The following RCN3 variants were observed in gnomAD, a reference collection of about 807,000 sequenced individuals.
The protein encoded by RCN3 is reticulocalbin-3.
A neutral mutation model predicts 35.9 loss-of-function variants in RCN3; 41 were observed. That is an observed-to-expected ratio of 1.14 (90% CI 0.89 to 1.48). The LOEUF is 1.48. RCN3 is among the 40% of genes most tolerant of loss of function. The probability of loss-of-function intolerance (pLI) is 0.00; values close to 1 mark genes in which losing one functional copy is unlikely to be tolerated. For synonymous variants in RCN3, 187 were observed against 193.4 expected (o/e 0.97, Z 0.27); for missense variants, 451 against 471.3 (o/e 0.96, Z 0.40).
rs2080124869 is a variant in RCN3 at position 49,534,386 on chromosome 19, TA to T, written c.437del (p.Tyr146SerfsTer43). On this transcript the variant is annotated frameshift_variant, in exon 3 of 7. Coordinates refer to ENST00000270645, the MANE Select transcript of RCN3 (RefSeq NM_020650.3). LOFTEE classifies it high-confidence loss of function. The stretch of plus-strand genomic sequence containing the variant: ...GCTGCGCAACGCCACCTATGGCCAC[TA>T]CGCGCCCGGTACGCGGCGAGCCCCC... ...EELRNATYGH[Y>X]APGEEFHDVE... is the part of the protein sequence containing the mutation. 6.5e-7 allele frequency: 1 copy of T among 1,538,530 alleles called. No individual in the cohort carries two copies. The highest frequency in any genetic ancestry group is 1.4e-5 in the African/African-American group (1 of 71,848).
intron 1 of RCN3, 116 bp downstream of exon 1, chr19:49,528,174 T>G (rs2080090642): frequency 5.6e-6 from 2 of 356,290 alleles, no homozygotes; most frequent in African/African-American, 4.2e-5. Flanking sequence ...GCCACAACTA[T>G]GCCCTGCACC....
In RCN3 at chr19:49,543,230, A is replaced by G. The variant is rs76075745; in HGVS notation, c.*17A>G. ...GAGCTGTGAGCACCGCGCACCTGCC[A>G]CAGCCTCAGAGGCCCGCACAATGAC... On this transcript the variant is annotated 3_prime_UTR_variant, in exon 7 of 7. Coordinates refer to ENST00000270645, the MANE Select transcript of RCN3 (RefSeq NM_020650.3). 37 of 1,596,176 alleles carry G rather than the reference A, an allele frequency of 2.3e-5. No homozygotes were observed. The highest frequency in any genetic ancestry group is 3.1e-5 in the Non-Finnish European group (36 of 1,165,390).
intron 4 of RCN3, 55 bp from the exon 5 acceptor site, chr19:49,539,064 T>TC: frequency 1.5e-6 from 2 of 1,363,682 alleles, no homozygotes; most frequent in Non-Finnish European, 2.0e-6. Context: ...GGGTCCAGCC[T>TC]CCCCCAGGAG....
intron 2 of RCN3, among the ~76,000 whole-genome samples, chr19:49,533,656 C>A (rs1383665764): frequency 7.3e-6 from 1 of 136,438 alleles, no homozygotes; most frequent in Admixed American, 8.5e-5. Context: ...CAGCACAGGG[C>A]AGGGCTGGAG....
intron 1 of RCN3, 163 bp from the exon 2 acceptor site, chr19:49,528,304 G>A (rs1035294608): frequency 2.8e-5 from 17 of 601,582 alleles, no homozygotes; most frequent in Non-Finnish European, 4.3e-5. Context: ...TAAGCATCCC[G>A]CCCTCTTTTC....
chr19:49,542,789 G>T (rs1249056533), intron 6 of RCN3, 37 bp downstream of exon 6: 1 of 1,538,408 alleles, frequency 6.5e-7, no homozygotes, highest in South Asian at 1.2e-5. Flanking sequence ...CGAGGAGCGG[G>T]TGGGCATTGC....
intron 5 of RCN3, among the ~76,000 whole-genome samples, chr19:49,539,903 A>G (rs546620445): frequency 1.3e-5 from 2 of 151,744 alleles, no homozygotes; most frequent in Non-Finnish European, 2.9e-5. Flanking sequence ...TTGTATTTTT[A>G]GTGGAGATGG....
Position 49,542,729 on chromosome 19 carries a change from C to T in RCN3, c.856C>T (p.Leu286=), listed in dbSNP as rs746696987. The T allele has an allele frequency of 3.6e-5, 57 of 1,592,228 alleles. No homozygotes were observed. The highest frequency in any genetic ancestry group is 4.9e-5 in the Non-Finnish European group (57 of 1,170,920). Residue 286 remains leucine, a synonymous_variant, in exon 6 of 7, where the codon CTG becomes TTG. Transcript: ENST00000270645. ...DQPLVEANHL[L]HESDTDKDGR... is the part of the protein sequence containing the mutation. The stretch of plus-strand genomic sequence containing the variant: ...GCCCCTGGTGGAAGCCAACCACCTG[C>T]TGCACGAGAGCGACACGGACAAGGT...
In RCN3 at chr19:49,542,903, C is replaced by T. The variant is rs1031063623; in HGVS notation, c.879+151C>T. The stretch of plus-strand genomic sequence containing the variant: ...GAGAGAGGGAGGAAAAGAGAGGGCA[C>T]GGAGCCCCAGAAAGAGAGGGGGACA... On this transcript the variant is annotated intron_variant, in intron 6 of 6. Coordinates refer to ENST00000270645, the MANE Select transcript of RCN3 (RefSeq NM_020650.3). 2.0e-4 allele frequency: 183 copies of T among 903,232 alleles called. 1 individual carries two copies. The highest frequency in any genetic ancestry group is 2.7e-4 in the Admixed American group (10 of 37,240). The allele number at this position is 903,232 out of a possible 1,614,324, so 56.0% of individuals were successfully genotyped here. A position where few individuals can be genotyped will look rare whatever the true frequency, so the allele number is the denominator to read the frequency against.
chr19:49,528,310 T>A (rs960098426), intron 1 of RCN3, 157 bp from the exon 2 acceptor site: 7 of 640,316 alleles, frequency 1.1e-5, no homozygotes, highest in East Asian at 3.0e-5. Flanking sequence ...TCCCGCCCTC[T>A]TTTCCCCCAT....
chr19:49,532,776 A>T (rs1254685546), intron 2 of RCN3, among the ~76,000 whole-genome samples: 1 of 152,106 alleles, frequency 6.6e-6, no homozygotes, highest in Non-Finnish European at 1.5e-5. Flanking sequence ...CCCAGATTCA[A>T]CCAATTCTCC....
At chr19:49,537,397 G>A (rs1422401298) in intron 4 of RCN3, among the ~76,000 whole-genome samples, 192 bp downstream of exon 4, 1 of 152,250 alleles carries the variant, frequency 6.6e-6, no homozygotes, top group Admixed American at 6.5e-5. Context: ...CAGTCCCCTG[G>A]GGTCTGATCT....
intron 4 of RCN3, among the ~76,000 whole-genome samples, chr19:49,538,470 CCTGG>C (rs2080147740): frequency 1.3e-5 from 2 of 151,550 alleles, no homozygotes; most frequent in African/African-American, 4.9e-5. Flanking sequence ...CCCGGCCATG[CCTGG>C]CTAATTTTTA....
chr19:49,534,586 C>T (rs998202065), intron 3 of RCN3, among the ~76,000 whole-genome samples, 191 bp downstream of exon 3: 3 of 152,064 alleles, frequency 2.0e-5, no homozygotes, highest in Non-Finnish European at 4.4e-5. Context: ...TGTTTTTCGT[C>T]TGCTTATTTT....
Position 49,543,297 on chromosome 19 carries a change from G to T in RCN3, c.*84G>T. The T allele has an allele frequency of 8.9e-7, 1 of 1,123,840 alleles. No individual in the cohort carries two copies. The highest frequency in any genetic ancestry group is 1.3e-6 in the Non-Finnish European group (1 of 756,422). The allele number at this position is 1,123,840 out of a possible 1,614,324, so 69.6% of individuals were successfully genotyped here. A position where few individuals can be genotyped will look rare whatever the true frequency, so the allele number is the denominator to read the frequency against. ...GTGGTCTGGCCCCCTCCCTGTCCAGGCCCCGCAGGAGGCAGATGCAGTCCC... is the reference window on the plus strand; with the variant it reads ...GTGGTCTGGCCCCCTCCCTGTCCAGTCCCCGCAGGAGGCAGATGCAGTCCC... On this transcript the variant is annotated 3_prime_UTR_variant, in exon 7 of 7. Transcript: ENST00000270645.
In RCN3 at chr19:49,530,488, C is replaced by T. The variant is rs1270412450; in HGVS notation, c.242+1774C>T. On this transcript the variant is annotated intron_variant, in intron 2 of 6. Coordinates refer to ENST00000270645, the MANE Select transcript of RCN3 (RefSeq NM_020650.3). ...CCCAGCCCAGGCCCAGGTAATTTTT[C>T]TTTTTTTTCTTTTTTTTTTTTTTTT... Among the ~76,000 whole-genome samples the T allele has an allele frequency of 8.8e-4, 125 of 142,368 alleles. 1 individual carries two copies. The East Asian group carries it at 0.024, about 28-fold the overall frequency. 93.4% of individuals were successfully genotyped at this position (142,368 alleles called of 152,430 possible).
rs749043450 is a variant in RCN3, at chr19:49,534,391, G to A, written c.441G>A (p.Ala147=). 3.9e-6 allele frequency: 6 copies of A among 1,537,754 alleles called. No individual in the cohort carries two copies. Among genetic ancestry groups the A allele is most frequent in the Admixed American group, 4.0e-5 (2 of 50,510 alleles). ...ELRNATYGHY[A]PGEEFHDVED... ...GCAACGCCACCTATGGCCACTACGC[G>A]CCCGGTACGCGGCGAGCCCCCGACC... The change falls in exon 3 of 7, where the codon GCG becomes GCA. Residue 147 remains alanine, a synonymous_variant. Transcript: ENST00000270645.
In RCN3 at chr19:49,542,681, G is replaced by A. The variant is rs372051997; in HGVS notation, c.808G>A (p.Val270Met). The change falls in exon 6 of 7, where the codon GTG (valine) becomes ATG (methionine). Residue 270 changes from valine to methionine, a missense_variant. Val to Met is a conservative substitution (Grantham distance 21). Transcript: ENST00000270645. ...HLDGSEVGHW[V>M]LPPAQDQPLV... Reference sequence around the variant, plus strand: ...GGATGGGAGTGAGGTGGGCCACTGGGTGCTGCCCCCTGCCCAGGACCAGCC... The same window carrying A: ...GGATGGGAGTGAGGTGGGCCACTGGATGCTGCCCCCTGCCCAGGACCAGCC... 35 of 1,598,242 alleles carry A rather than the reference G, an allele frequency of 2.2e-5. No homozygotes were observed. The South Asian group carries it at 3.4e-4, about 16-fold the overall frequency.
intron 2 of RCN3, among the ~76,000 whole-genome samples, chr19:49,529,765 T>TTTAC (rs1215496765): frequency 1.7e-3 from 262 of 151,332 alleles, no homozygotes; most frequent in Middle Eastern, 3.4e-3. Flanking sequence ...TATTTATTTA[T>TTTAC]TTACTTATTG....
Sources: gnomAD v4.1 joint callset for allele counts (sites outside exome capture counted in the v4.1 genomes callset) on GRCh38, gnomAD v4.1.1 for gene constraint, MANE v1.5 for transcripts, NCBI Gene and HGNC (gene_info 2026-07-23, HGNC 2026-07-21) for gene names.